The following NELL2 variants were observed in gnomAD, a reference collection of about 807,000 sequenced individuals.
NELL2 encodes neural EGFL like 2, also known as protein kinase C-binding protein NELL2.
NELL2 carries 41 observed loss-of-function variants against 109.6 expected under a neutral mutation model. That is an observed-to-expected ratio of 0.37 (90% confidence interval 0.29 to 0.49). The LOEUF (loss-of-function observed/expected upper bound fraction) is 0.49. Among genes scored for constraint, NELL2 ranks in the 20% least tolerant of loss-of-function variants. NELL2 has a pLI of 0.98. For missense variants in NELL2, 900 were observed against 1,008.3 expected, an observed-to-expected ratio of 0.89 and a Z score of 1.45; for synonymous variants, 355 against 344.7, an observed-to-expected ratio of 1.03 and a Z score of -0.33.
At chr12:44,528,229 T>G (rs560251624) in intron 16 of NELL2, among the ~76,000 whole-genome samples, 7 of 151,604 alleles carry the variant, frequency 4.6e-5, no homozygotes, top group African/African-American at 9.7e-5. Flanking sequence ...AGTTTTTTTT[T>G]GTTGTTTTTT....
At chr12:44,529,234 T>A (rs1174496867) in intron 16 of NELL2, among the ~76,000 whole-genome samples, 1 of 152,096 alleles carries the variant, frequency 6.6e-6, no homozygotes, top group African/African-American at 2.4e-5. Flanking sequence ...TGGGAATATA[T>A]TTTGAAAGTT....
chr12:44,768,411 G>A (rs777715734), intron 9 of NELL2, among the ~76,000 whole-genome samples: 13 of 151,800 alleles, frequency 8.6e-5, no homozygotes, highest in Non-Finnish European at 1.8e-4. Flanking sequence ...TTAGCTATTT[G>A]TCTTTAGAGA....
chr12:44,686,264 A>G (rs1351594998), intron 12 of NELL2, among the ~76,000 whole-genome samples: 1 of 152,126 alleles, frequency 6.6e-6, no homozygotes, highest in Non-Finnish European at 1.5e-5. Context: ...TTTCAGCTCC[A>G]TCAGCTCCTC....
intron 9 of NELL2, among the ~76,000 whole-genome samples, chr12:44,736,892 TA>T (rs1418629803): frequency 3.9e-5 from 6 of 152,044 alleles, no homozygotes; most frequent in African/African-American, 1.4e-4. Flanking sequence ...TAATTTTTAT[TA>T]AAAATAATAG....
intron 15 of NELL2, among the ~76,000 whole-genome samples, chr12:44,556,701 C>A (rs931816015): frequency 6.6e-6 from 1 of 152,150 alleles, no homozygotes; most frequent in African/African-American, 2.4e-5. Context: ...TAACAAATCA[C>A]TAGAAATGAA....
intron 15 of NELL2, among the ~76,000 whole-genome samples, chr12:44,539,912 T>C (rs1348226136): frequency 6.6e-6 from 1 of 152,202 alleles, no homozygotes; most frequent in Admixed American, 6.5e-5. Flanking sequence ...ACACTCACTA[T>C]GCCACACTTG....
At chr12:44,675,133 G>A (rs1948263291) in intron 12 of NELL2, among the ~76,000 whole-genome samples, 1 of 152,132 alleles carries the variant, frequency 6.6e-6, no homozygotes, top group Non-Finnish European at 1.5e-5. Context: ...CTTAGACATG[G>A]GCTTTTGTAT....
chr12:44,770,415 C>T (rs113594995), intron 9 of NELL2, among the ~76,000 whole-genome samples: 1 of 152,114 alleles, frequency 6.6e-6, no homozygotes, highest in Non-Finnish European at 1.5e-5. Flanking sequence ...AGTCTCACAG[C>T]TAATAAGTTG....
At chr12:44,684,922 T>G (rs1948662101) in intron 12 of NELL2, among the ~76,000 whole-genome samples, 1 of 152,222 alleles carries the variant, frequency 6.6e-6, no homozygotes, top group South Asian at 2.1e-4. Context: ...GTTCTGTAGA[T>G]GTCTACCAGG....
chr12:44,561,530 C>T (rs990567706), intron 15 of NELL2, among the ~76,000 whole-genome samples: 14 of 152,094 alleles, frequency 9.2e-5, no homozygotes, highest in Non-Finnish European at 1.8e-4. Flanking sequence ...TTCCTATACA[C>T]TAATAGACAG....
chr12:44,521,228 A>G (rs141434433), intron 18 of NELL2, among the ~76,000 whole-genome samples: 2 of 152,188 alleles, frequency 1.3e-5, no homozygotes, highest in Non-Finnish European at 2.9e-5. Flanking sequence ...TATCCATATT[A>G]TGTGCAAAAC....
chr12:44,688,751 ATAAT>A (rs1948810876), intron 12 of NELL2, among the ~76,000 whole-genome samples: 1 of 152,224 alleles, frequency 6.6e-6, no homozygotes, highest in African/African-American at 2.4e-5. Flanking sequence ...TTTTTAAAAA[ATAAT>A]TATAGTTGGC....
At chr12:44,538,546 AAGGTTATTAAT>A (rs1348684026) in intron 15 of NELL2, among the ~76,000 whole-genome samples, 4 of 152,200 alleles carry the variant, frequency 2.6e-5, no homozygotes, top group Non-Finnish European at 4.4e-5. Flanking sequence ...GAGCCACTGA[AAGGTTATTAAT>A]AGGAGAGTGA....
chr12:44,630,694 C>G (rs1946421935), intron 13 of NELL2, among the ~76,000 whole-genome samples: 1 of 151,970 alleles, frequency 6.6e-6, no homozygotes, highest in African/African-American at 2.4e-5. Context: ...TGAGGATTCA[C>G]TAAAACACAT....
chr12:44,849,652 A>C (rs1020696142), intron 2 of NELL2, among the ~76,000 whole-genome samples: 2 of 152,196 alleles, frequency 1.3e-5, no homozygotes, highest in African/African-American at 4.8e-5. Context: ...CATTTATCCA[A>C]AAGGAATAAA....
At chr12:44,744,733 T>C (rs929810461) in intron 9 of NELL2, among the ~76,000 whole-genome samples, 23 of 152,094 alleles carry the variant, frequency 1.5e-4, no homozygotes, top group Admixed American at 5.2e-4. Flanking sequence ...GACACATACA[T>C]CCTCCTAAGA....
chr12:44,777,020 T>C (rs1264776314), intron 7 of NELL2, 22 bp downstream of exon 7: 1 of 1,606,818 alleles, frequency 6.2e-7, no homozygotes, highest in South Asian at 1.1e-5. Context: ...GCTTCCACAC[T>C]GTATTCTTGA....
intron 13 of NELL2, among the ~76,000 whole-genome samples, chr12:44,657,929 G>A (rs796213009): frequency 2.6e-5 from 4 of 152,254 alleles, no homozygotes; most frequent in African/African-American, 9.6e-5. Flanking sequence ...GCATAGTGCT[G>A]CAATAAACAT....
chr12:44,863,085 CG>C (rs1555229225), intron 2 of NELL2, among the ~76,000 whole-genome samples: 1 of 151,988 alleles, frequency 6.6e-6, no homozygotes, highest in Admixed American at 6.6e-5. Context: ...TAATGCTATT[CG>C]TTCCCCTAGC....
Sources: allele counts gnomAD v4.1 joint callset (sites outside exome capture counted in the v4.1 genomes callset), GRCh38; gene constraint gnomAD v4.1.1; transcripts MANE v1.5; gene names NCBI Gene and HGNC (gene_info 2026-07-23, HGNC 2026-07-21).